SMCHD1: variants seen among roughly 807,000 people sequenced by gnomAD.
SMCHD1 encodes the protein structural maintenance of chromosomes flexible hinge domain containing 1.
In SMCHD1, 78 loss-of-function variants were observed where a neutral mutation model predicts 254.7. That is an observed-to-expected ratio of 0.31 (90% CI 0.26 to 0.37). The LOEUF is 0.37. Ranked by LOEUF, SMCHD1 falls within the 10% of genes least tolerant of loss-of-function variation. The pLI is 1.00. For synonymous variants in SMCHD1, 766 were observed against 794.9 expected (o/e 0.96, Z 0.61); for missense variants, 1,840 against 2,408.1 (o/e 0.76, Z 4.94).
At chr18:2,772,755 C>A (rs949958840) in intron 41 of SMCHD1, among the ~76,000 whole-genome samples, 1 of 152,208 alleles carries the variant, frequency 6.6e-6, no homozygotes, top group African/African-American at 2.4e-5. Context: ...CTCAGCCCCC[C>A]AAGTAGCTGT....
chr18:2,747,859 T>A (rs2075485030), intron 30 of SMCHD1, among the ~76,000 whole-genome samples: 1 of 152,224 alleles, frequency 6.6e-6, no homozygotes, highest in Non-Finnish European at 1.5e-5. Context: ...GCCAACATTG[T>A]ACAGTTATGG....
intron 19 of SMCHD1, among the ~76,000 whole-genome samples, chr18:2,720,488 A>G (rs2074901665): frequency 6.6e-6 from 1 of 152,078 alleles, no homozygotes; most frequent in African/African-American, 2.4e-5. Context: ...CTGTTATATA[A>G]TTAGTGATTT....
Position 2,707,911 on chromosome 18 carries a change from A to C in SMCHD1, c.2251A>C (p.Ile751Leu). 4 of 1,587,112 alleles carry C rather than the reference A, an allele frequency of 2.5e-6. No homozygotes were observed. The highest frequency in any genetic ancestry group is 3.4e-6 in the Non-Finnish European group (4 of 1,165,400). Residue 751 changes from isoleucine to leucine, a missense_variant, in exon 17 of 48, where the codon ATT becomes CTT. By Grantham distance (5) the Ile-to-Leu change is conservative. Around this residue, in one of 9 missense-constraint regions of SMCHD1, gnomAD observed 498 missense variants for 743.5 expected, o/e 0.67. Coordinates refer to ENST00000320876, the MANE Select transcript of SMCHD1 (RefSeq NM_015295.3). ...GAAACTCCTGGTTGAGCTCAAAGTT[A>C]TTTTACATTGTAAGTATACAAACTA... is the stretch of plus-strand genomic sequence containing the variant. The part of the protein sequence containing the change: ...SKKLLVELKV[I>L]LHSSSGNKEI...
chr18:2,780,493 C>T (rs2076140271), intron 44 of SMCHD1, among the ~76,000 whole-genome samples: 1 of 152,032 alleles, frequency 6.6e-6, no homozygotes, highest in Non-Finnish European at 1.5e-5. Context: ...GAAACATACC[C>T]ATTAAATGTT....
At chr18:2,760,585 G>T (rs1002352007) in intron 34 of SMCHD1, 67 bp from the exon 35 acceptor site, 3 of 868,154 alleles carry the variant, frequency 3.5e-6, no homozygotes, top group African/African-American at 3.3e-5. Context: ...CAGAAATGTT[G>T]ACTCTTTGAA....
chr18:2,706,049 T>A (rs561660658), intron 14 of SMCHD1, among the ~76,000 whole-genome samples: 9 of 152,230 alleles, frequency 5.9e-5, no homozygotes, highest in African/African-American at 2.2e-4. Context: ...TTTTATAAAG[T>A]CATATTTCCT....
At chr18:2,766,001 C>CT (rs199648859) in intron 37 of SMCHD1, among the ~76,000 whole-genome samples, 1,572 of 135,958 alleles carry the variant, frequency 0.012, 27 homozygotes, top group African/African-American at 0.034. Context: ...GTCCAGTTTT[C>CT]TTTTTTTTTG....
chr18:2,792,820 C>T lies in SMCHD1; in HGVS notation c.5720-3129C>T, dbSNP rs539267747. On this transcript the variant is annotated intron_variant, in intron 45 of 47. Coordinates refer to ENST00000320876, the MANE Select transcript of SMCHD1 (RefSeq NM_015295.3). ...AAGATTAGTTAAGCACTCTGGCTTT[C>T]AGGGAAAGGGTGTTTTGTTTTGTTA... Among the ~76,000 whole-genome samples, 3 of 152,156 alleles carry T rather than the reference C, an allele frequency of 2.0e-5. No homozygotes were observed. In the South Asian group the frequency reaches 6.2e-4, roughly 32 times the overall value.
chr18:2,703,163 T>C (rs2074440903), intron 12 of SMCHD1, among the ~76,000 whole-genome samples: 1 of 152,240 alleles, frequency 6.6e-6, no homozygotes. Context: ...CTTTTTTCGT[T>C]ATCACCCTCA....
At chr18:2,745,185 T>TTTTATTTTAAAAAATGAAAAAA (rs74556033) in intron 29 of SMCHD1, among the ~76,000 whole-genome samples, 1 of 113,788 alleles carries the variant, frequency 8.8e-6, no homozygotes, top group Non-Finnish European at 2.0e-5. Context: ...TTGAAACAAG[T>TTTTATTTTAAAAAATGAAAAAA]TTTATTTATT....
chr18:2,793,110 A>T (rs1386837249), intron 45 of SMCHD1, among the ~76,000 whole-genome samples: 1 of 152,202 alleles, frequency 6.6e-6, no homozygotes, highest in Non-Finnish European at 1.5e-5. Context: ...AGAGCACTAA[A>T]TATTATTTAG....
intron 34 of SMCHD1, chr18:2,760,416 A>T (rs187739059): frequency 6.4e-6 from 2 of 313,504 alleles, no homozygotes; most frequent in East Asian, 1.1e-4. Flanking sequence ...TGTTCTTTCA[A>T]TTTTTACCAT....
chr18:2,769,695 G>A lies in SMCHD1; in HGVS notation c.4721G>A (p.Ser1574Asn). The A allele has an allele frequency of 6.3e-7, 1 of 1,596,728 alleles. No homozygotes were observed. Among genetic ancestry groups the A allele is most frequent in the South Asian group, 1.1e-5 (1 of 88,834 alleles). Residue 1574 changes from serine to asparagine, a missense_variant and splice_region_variant, in exon 38 of 48, where the codon AGT becomes AAT. Physicochemically the swap from Ser to Asn is conservative, Grantham distance 46 (BLOSUM62 1). This residue lies in a region of SMCHD1 where 881 missense variants were observed against 1,009.5 expected (regional missense o/e 0.87). Transcript: ENST00000320876. ...CCTATTGTTTGTTTATATGTACAGAGTCTGGTGCTGGCAGAAAGTAGTCCT... is the reference window on the plus strand; with the variant it reads ...CCTATTGTTTGTTTATATGTACAGAATCTGGTGCTGGCAGAAAGTAGTCCT... Reference protein sequence around the residue: ...PFVNGSAEIMSLVLAESSPGR... With the variant: ...PFVNGSAEIMNLVLAESSPGR...
chr18:2,788,546 C>A (rs1179924604), intron 45 of SMCHD1, among the ~76,000 whole-genome samples: 1 of 152,096 alleles, frequency 6.6e-6, no homozygotes, highest in East Asian at 1.9e-4. Flanking sequence ...CCTCAGTGAG[C>A]ATTGTATCAC....
In SMCHD1 at chr18:2,763,726, A is replaced by G; in HGVS notation, c.4656A>G (p.Pro1552=). 1 of 1,609,962 alleles carries G rather than the reference A, an allele frequency of 6.2e-7. No homozygotes were observed. Among genetic ancestry groups the G allele is most frequent in the Non-Finnish European group, 8.5e-7 (1 of 1,178,064 alleles). ...KGSNEEDTDT[P]LFIGKVRTLE... is the part of the protein sequence containing the mutation. The stretch of plus-strand genomic sequence containing the variant: ...CTAATGAGGAAGATACTGATACCCC[A>G]CTTTTTATTGGGAAAGTTAGAACAC... Residue 1552 remains proline, a synonymous_variant, in exon 37 of 48, where the codon CCA becomes CCG. Coordinates refer to ENST00000320876, the MANE Select transcript of SMCHD1 (RefSeq NM_015295.3).
chr18:2,769,873 T>C (rs906382967), intron 38 of SMCHD1, 53 bp downstream of exon 38: 2 of 1,563,356 alleles, frequency 1.3e-6, no homozygotes. Context: ...ATACTTTAGA[T>C]AACCTTGTTT....
In SMCHD1 at chr18:2,745,138, C is replaced by T. The variant is rs539753387; in HGVS notation, c.3801+1210C>T. Reference sequence around the variant, plus strand: ...GATGACAGGCATGAGCCACTGCACCCGGCCAGGACTTTTAACTGTTGATGT... The same window carrying T: ...GATGACAGGCATGAGCCACTGCACCTGGCCAGGACTTTTAACTGTTGATGT... On this transcript the variant is annotated intron_variant, in intron 29 of 47. Coordinates refer to ENST00000320876, the MANE Select transcript of SMCHD1 (RefSeq NM_015295.3). Among the ~76,000 whole-genome samples the T allele has an allele frequency of 5.3e-5, 8 of 152,130 alleles. No individual in the cohort carries two copies. The South Asian group carries it at 1.5e-3, about 28-fold the overall frequency.
intron 19 of SMCHD1, among the ~76,000 whole-genome samples, chr18:2,720,204 T>G (rs2143386769): frequency 6.6e-6 from 1 of 152,314 alleles, no homozygotes; most frequent in Non-Finnish European, 1.5e-5. Context: ...TTTCCTACTT[T>G]CCATCTCTTG....
chr18:2,711,762 G>A (rs535312306), intron 17 of SMCHD1, among the ~76,000 whole-genome samples: 34 of 152,158 alleles, frequency 2.2e-4, no homozygotes, highest in Non-Finnish European at 4.6e-4. Flanking sequence ...GATTACAGGC[G>A]TGAGCCACCG....
Sources: gnomAD v4.1 joint callset for allele counts (sites outside exome capture counted in the v4.1 genomes callset) on GRCh38, gnomAD v4.1.1 for gene constraint, gnomAD v4.1.1 regional missense constraint, MANE v1.5 for transcripts, NCBI Gene and HGNC (gene_info 2026-07-23, HGNC 2026-07-21) for gene names.